The following UBE2W variants were observed in gnomAD, a reference collection of about 807,000 sequenced individuals.
The protein encoded by UBE2W is ubiquitin-conjugating enzyme E2 W.
Under a neutral mutation model 27.2 loss-of-function variants are expected in UBE2W, and 18 were observed. The ratio of observed to expected loss-of-function variants is 0.66; its 90% CI spans 0.46 to 0.98. The LOEUF (loss-of-function observed/expected upper bound fraction) is 0.98, where lower values mean the gene tolerates loss of function less well. Ranked by LOEUF, UBE2W falls within the 50% of genes least tolerant of loss-of-function variation. The pLI, the probability that UBE2W is intolerant of heterozygous loss-of-function variation, is 0.00. For missense variants in UBE2W, 90 were observed against 180.2 expected, an observed-to-expected ratio of 0.50 and a Z score of 2.87; for synonymous variants, 53 against 57.2, an observed-to-expected ratio of 0.93 and a Z score of 0.33.
chr8:73,795,686 T>A, intron 5 of UBE2W: 1 of 682,826 alleles, frequency 1.5e-6, no homozygotes. Context: ...GGAAACAGAC[T>A]GGAGTTTAAA....
At chr8:73,785,483 G>C (rs1394235479), downstream of UBE2W, among the ~76,000 whole-genome samples, 1 of 152,144 alleles carries the variant, frequency 6.6e-6, no homozygotes, top group African/African-American at 2.4e-5. Context: ...GGGTACACGT[G>C]CAGGTTGGTT....
intron 1 of UBE2W, among the ~76,000 whole-genome samples, chr8:73,839,420 G>C (rs1475460106): frequency 5.3e-5 from 8 of 150,322 alleles, no homozygotes; most frequent in Middle Eastern, 3.2e-3. Context: ...GAGATGCCAA[G>C]GTGGGTGAAT....
chr8:73,861,174 T>C (rs1043110040), intron 1 of UBE2W, among the ~76,000 whole-genome samples: 2 of 151,992 alleles, frequency 1.3e-5, no homozygotes, highest in Non-Finnish European at 2.9e-5. Context: ...CTAATAATAG[T>C]TGCTAAATAC....
Position 73,787,172 on chromosome 8 carries a change from A to T in UBE2W, c.*6930T>A. ...ATAAATCTTACAGGCAACTAAAAAA[A>T]TGGTTGAAAGGGGCTCCCAACAGGA... On this transcript the variant is annotated 3_prime_UTR_variant, in exon 6 of 6. Transcript: ENST00000602593. The T allele has an allele frequency of 1.0e-6, 1 of 985,464 alleles. No individual in the cohort carries two copies. The highest frequency in any genetic ancestry group is 1.2e-6 in the Non-Finnish European group (1 of 829,930). The allele number at this position is 985,464 out of a possible 1,614,324, so 61.0% of individuals were successfully genotyped here.
intron 1 of UBE2W, among the ~76,000 whole-genome samples, chr8:73,852,478 T>C (rs1811121487): frequency 6.6e-6 from 1 of 152,204 alleles, no homozygotes; most frequent in Non-Finnish European, 1.5e-5. Context: ...TATCTTTCTC[T>C]CATTGATCCC....
chr8:73,853,327 T>G (rs1811154557), intron 1 of UBE2W, among the ~76,000 whole-genome samples: 1 of 152,222 alleles, frequency 6.6e-6, no homozygotes, highest in African/African-American at 2.4e-5. Context: ...AAGTCTTAGT[T>G]GCCCAGGATG....
chr8:73,829,361 G>T (rs1162438982), intron 2 of UBE2W, among the ~76,000 whole-genome samples: 1 of 152,066 alleles, frequency 6.6e-6, no homozygotes, highest in East Asian at 1.9e-4. Context: ...AGAGGAAAAA[G>T]ATTAAAATGG....
intron 3 of UBE2W, among the ~76,000 whole-genome samples, chr8:73,811,447 G>C (rs1263717736): frequency 6.6e-6 from 1 of 152,012 alleles, no homozygotes; most frequent in African/African-American, 2.4e-5. Context: ...ATATCCTGAG[G>C]AATCTGTAAG....
intron 1 of UBE2W, among the ~76,000 whole-genome samples, chr8:73,833,468 A>G (rs188775930): frequency 2.0e-5 from 3 of 152,262 alleles, no homozygotes; most frequent in African/African-American, 7.2e-5. Flanking sequence ...GTTAATGAAC[A>G]TCGTTTATAG....
At chr8:73,818,485 A>C (rs918854377) in intron 3 of UBE2W, among the ~76,000 whole-genome samples, 13 of 152,154 alleles carry the variant, frequency 8.5e-5, no homozygotes, top group Admixed American at 2.0e-4. Context: ...AAACCTTCCA[A>C]AGGCTTCCCC....
chr8:73,865,918 A>T (rs754026902), intron 1 of UBE2W, among the ~76,000 whole-genome samples: 25 of 152,172 alleles, frequency 1.6e-4, no homozygotes, highest in Non-Finnish European at 2.9e-4. Flanking sequence ...AGGTTTTGTA[A>T]GTCTAAAGAC....
At chr8:73,858,069 C>T (rs1042445918) in intron 1 of UBE2W, among the ~76,000 whole-genome samples, 1 of 150,898 alleles carries the variant, frequency 6.6e-6, no homozygotes, top group African/African-American at 2.4e-5. Flanking sequence ...TACTAAAAAT[C>T]CAAAAGTTAG....
intron 1 of UBE2W, among the ~76,000 whole-genome samples, chr8:73,854,987 T>C (rs2130957742): frequency 6.6e-6 from 1 of 152,336 alleles, no homozygotes; most frequent in African/African-American, 2.4e-5. Flanking sequence ...TAAATTTATG[T>C]CATCTGTTTA....
intron 1 of UBE2W, among the ~76,000 whole-genome samples, chr8:73,845,573 AGG>A (rs1042294330): frequency 4.3e-4 from 65 of 152,180 alleles, no homozygotes; most frequent in African/African-American, 1.5e-3. Flanking sequence ...ACATTGCGGA[AGG>A]CGGCAGGGCC....
At chr8:73,798,569 TC>T (rs1406471810) in intron 5 of UBE2W, among the ~76,000 whole-genome samples, 2 of 152,164 alleles carry the variant, frequency 1.3e-5, no homozygotes, top group Non-Finnish European at 2.9e-5. Context: ...AGATCTGTCC[TC>T]CCCGCTGTGG....
rs114348818 is a variant in UBE2W at position 73,862,272 on chromosome 8, T to C, written c.15+16536A>G. Among the ~76,000 whole-genome samples, 651 of 152,222 alleles carry C rather than the reference T, an allele frequency of 4.3e-3. 6 individuals are homozygous for C. The highest frequency in any genetic ancestry group is 0.015 in the African/African-American group (625 of 41,542). On this transcript the variant is annotated intron_variant, in intron 1 of 5. Coordinates refer to ENST00000602593, the MANE Select transcript of UBE2W (RefSeq NM_018299.6). ...GGTGAAACCCTGTCTCTATTAAAAA[T>C]ACAAAAAATAGTTTTAGGTCTAACG... is the stretch of plus-strand genomic sequence containing the variant.
Position 73,791,463 on chromosome 8 carries a change from T to C in UBE2W, c.*2639A>G, listed in dbSNP as rs6983690. ...TAATTCTGTAGGCCTATGTCGCAAA[T>C]AGTGCCCCACGAGGAAATGCAGGGA... On this transcript the variant is annotated 3_prime_UTR_variant, in exon 6 of 6. Transcript: ENST00000602593. The C allele has an allele frequency of 5.1e-6, 5 of 985,112 alleles. No individual in the cohort carries two copies. The highest frequency in any genetic ancestry group is 3.5e-5 in the African/African-American group (2 of 57,222). The allele number at this position is 985,112 out of a possible 1,614,324, so 61.0% of individuals were successfully genotyped here.
intron 3 of UBE2W, among the ~76,000 whole-genome samples, chr8:73,813,083 C>CCAAAA (rs746004874): frequency 2.3e-5 from 1 of 43,430 alleles, no homozygotes; most frequent in Non-Finnish European, 4.1e-5. Flanking sequence ...GAAAGTGCCA[C>CCAAAA]AAAAAAAAAA....
In UBE2W at chr8:73,816,755, G is replaced by A. The variant is rs57462155; in HGVS notation, c.211-6126C>T. On this transcript the variant is annotated intron_variant, in intron 3 of 5. Transcript: ENST00000602593. ...AGCTAAAAGTCTCTAAAACAAGGCCGGGCACGGAGGCTCAAGCCTGTAATC... is the reference window on the plus strand; with the variant it reads ...AGCTAAAAGTCTCTAAAACAAGGCCAGGCACGGAGGCTCAAGCCTGTAATC... Among the ~76,000 whole-genome samples the A allele has an allele frequency of 3.8e-3, 581 of 152,284 alleles. 3 individuals carry two copies. Among genetic ancestry groups the A allele is most frequent in the African/African-American group, 0.012 (489 of 41,564 alleles).
Sources: allele counts gnomAD v4.1 joint callset (sites outside exome capture counted in the v4.1 genomes callset), GRCh38; gene constraint gnomAD v4.1.1; transcripts MANE v1.5; gene names NCBI Gene and HGNC (gene_info 2026-07-23, HGNC 2026-07-21).